CAST: variants seen among roughly 807,000 people sequenced by gnomAD.
The protein encoded by CAST is MIR583 host.
In CAST, 76 loss-of-function variants were observed where a neutral mutation model predicts 119.6. The ratio of observed to expected loss-of-function variants is 0.64; its 90% CI spans 0.53 to 0.77. The LOEUF (loss-of-function observed/expected upper bound fraction) is 0.77, where lower values mean the gene tolerates loss of function less well. CAST is among the 30% of genes least tolerant of loss of function. The pLI is 0.00. For missense variants in CAST, 953 were observed against 946.5 expected, an observed-to-expected ratio of 1.01 and a Z score of -0.09; for synonymous variants, 319 against 331.6, an observed-to-expected ratio of 0.96 and a Z score of 0.41.
chr5:96,613,999 A>T (rs541307403), intron 1 of CAST, among the ~76,000 whole-genome samples: 1 of 152,266 alleles, frequency 6.6e-6, no homozygotes, highest in East Asian at 1.9e-4. Context: ...CAGCCCTATG[A>T]GTTAGATGTT....
At chr5:95,963,029 C>T in the CAST span, among the ~76,000 whole-genome samples, 1 of 152,084 alleles carries the variant, frequency 6.6e-6, no homozygotes, top group African/African-American at 2.4e-5. Context: ...GATAGACTGA[C>T]AGATGGGTTC....
chr5:95,987,417 ATGT>A, the CAST span, among the ~76,000 whole-genome samples: 1 of 152,200 alleles, frequency 6.6e-6, no homozygotes, highest in East Asian at 1.9e-4. Context: ...CAACCTGATG[ATGT>A]TGTACAGGGA....
At chr5:96,136,421 C>G in the CAST span, among the ~76,000 whole-genome samples, 47,191 of 151,756 alleles carry the variant, frequency 0.31, 7,580 homozygotes, top group Middle Eastern at 0.38. Context: ...CCAGGCTCAA[C>G]TTGCATATTT....
At chr5:96,543,222 G>T (rs566954325) in intron 1 of CAST, among the ~76,000 whole-genome samples, 10 of 152,296 alleles carry the variant, frequency 6.6e-5, no homozygotes, top group Admixed American at 2.6e-4. Context: ...ATGAGTTCGT[G>T]TCCTTTGCAG....
chr5:95,987,425 C>T, the CAST span, among the ~76,000 whole-genome samples: 2 of 152,056 alleles, frequency 1.3e-5, no homozygotes. Context: ...TGATGTTGTA[C>T]AGGGAAATTT....
the CAST span, among the ~76,000 whole-genome samples, chr5:95,997,379 G>A: frequency 2.0e-5 from 3 of 152,094 alleles, no homozygotes; most frequent in African/African-American, 4.8e-5. Context: ...GAGAAAAACA[G>A]CATTTGTGAA....
At chr5:96,174,338 T>C in the CAST span, among the ~76,000 whole-genome samples, 34 of 152,332 alleles carry the variant, frequency 2.2e-4, no homozygotes, top group African/African-American at 7.7e-4. Context: ...TATTCTCCAA[T>C]TTTCACAATT....
rs1202262313 is a variant in CAST, at chr5:96,767,404, C to T, written c.2131-34C>T. 4 of 1,575,116 alleles carry T rather than the reference C, an allele frequency of 2.5e-6. No individual in the cohort carries two copies. The African/African-American group carries it at 4.1e-5, about 16-fold the overall frequency. ...AACCTAAGTAAACCTTTACAGATAT[C>T]TATGCTTAACCAATAGTCTGCCTTC... On this transcript the variant is annotated intron_variant, in intron 27 of 31. Coordinates refer to ENST00000675179, the MANE Select transcript of CAST (RefSeq NM_001750.7).
chr5:96,231,288 T>C, the CAST span, among the ~76,000 whole-genome samples: 2 of 152,164 alleles, frequency 1.3e-5, no homozygotes. Context: ...TAGAATAGAA[T>C]GGTCTTTGGC....
the CAST span, among the ~76,000 whole-genome samples, chr5:96,333,204 G>T: frequency 6.6e-6 from 1 of 151,986 alleles, no homozygotes; most frequent in East Asian, 1.9e-4. Context: ...CTCTGGCTCT[G>T]TCTGCACTTC....
intron 1 of CAST, among the ~76,000 whole-genome samples, chr5:96,580,653 T>A (rs1746755376): frequency 6.6e-6 from 1 of 152,226 alleles, no homozygotes; most frequent in Non-Finnish European, 1.5e-5. Context: ...GGATTACATT[T>A]GGAGTAGCAA....
At chr5:96,555,892 C>G (rs552535692) in intron 1 of CAST, among the ~76,000 whole-genome samples, 8 of 151,652 alleles carry the variant, frequency 5.3e-5, no homozygotes, top group Non-Finnish European at 1.2e-4. Flanking sequence ...TCTCCCAGCA[C>G]GCAGCTGGAG....
chr5:96,425,067 A>G, the CAST span, among the ~76,000 whole-genome samples: 29 of 146,982 alleles, frequency 2.0e-4, no homozygotes, highest in Admixed American at 2.0e-3. Context: ...AAAGAAAGAA[A>G]GAAAGAAAAC....
chr5:96,411,202 T>C, the CAST span, among the ~76,000 whole-genome samples: 47 of 152,354 alleles, frequency 3.1e-4, 1 homozygote, highest in African/African-American at 1.0e-3. Context: ...CTCTGGGCCC[T>C]CCTGGGGTAG....
chr5:96,110,470 G>C, the CAST span, among the ~76,000 whole-genome samples: 1,225 of 152,192 alleles, frequency 8.0e-3, 20 homozygotes, highest in African/African-American at 0.028. Context: ...TTCAGAAAAA[G>C]GCTCAGAGTG....
the CAST span, among the ~76,000 whole-genome samples, chr5:96,120,429 A>G: frequency 6.6e-6 from 1 of 151,988 alleles, no homozygotes; most frequent in Non-Finnish European, 1.5e-5. Context: ...TCCTGTTTGC[A>G]AGTCTGGTTT....
intron 1 of CAST, among the ~76,000 whole-genome samples, chr5:96,588,129 G>T (rs1314147430): frequency 6.8e-6 from 1 of 147,618 alleles, no homozygotes; most frequent in African/African-American, 2.5e-5. Context: ...AAACAAAACT[G>T]ATGCAATTAA....
the CAST span, among the ~76,000 whole-genome samples, chr5:96,233,135 C>A: frequency 6.6e-6 from 1 of 151,942 alleles, no homozygotes; most frequent in Non-Finnish European, 1.5e-5. Flanking sequence ...AATTCAAAAA[C>A]CAAAATATTC....
chr5:96,535,866 C>T (rs1745802273), intron 1 of CAST, among the ~76,000 whole-genome samples: 1 of 151,630 alleles, frequency 6.6e-6, no homozygotes, highest in South Asian at 2.1e-4. Context: ...AGCCACTGCA[C>T]CTGGCCAAAT....
Sources: gnomAD v4.1 joint callset for allele counts (sites outside exome capture counted in the v4.1 genomes callset) on GRCh38, gnomAD v4.1.1 for gene constraint, MANE v1.5 for transcripts, NCBI Gene and HGNC (gene_info 2026-07-23, HGNC 2026-07-21) for gene names.